Variants in CNTN5 observed in about 807,000 individuals in gnomAD.
CNTN5 encodes contactin-5.
A neutral mutation model predicts 129.1 loss-of-function variants in CNTN5; 77 were observed. That is an observed-to-expected ratio of 0.60 (90% confidence interval 0.50 to 0.72). CNTN5 has a LOEUF of 0.72. Among genes scored for constraint, CNTN5 ranks in the 30% least tolerant of loss-of-function variants. The pLI, the probability that CNTN5 is intolerant of heterozygous loss-of-function variation, is 0.00. For missense variants in CNTN5, 1,478 were observed against 1,328.8 expected, an observed-to-expected ratio of 1.11 and a Z score of -1.75; for synonymous variants, 509 against 465.6, an observed-to-expected ratio of 1.09 and a Z score of -1.20.
At chr11:100,054,650 T>C (rs1473257528) in intron 9 of CNTN5, among the ~76,000 whole-genome samples, 1 of 151,812 alleles carries the variant, frequency 6.6e-6, no homozygotes, top group Non-Finnish European at 1.5e-5. Flanking sequence ...CTCACTGTCA[T>C]GGAAATTCCA....
At chr11:100,189,654 G>A (rs11223159) in intron 13 of CNTN5, among the ~76,000 whole-genome samples, 9,937 of 152,080 alleles carry the variant, frequency 0.065, 348 homozygotes, top group Non-Finnish European at 0.085. Context: ...TGTAGCATAG[G>A]TATCTTTGGG....
intron 3 of CNTN5, among the ~76,000 whole-genome samples, chr11:99,598,354 C>CCA: frequency 2.4e-5 from 1 of 42,544 alleles, no homozygotes; most frequent in South Asian, 2.1e-3. Context: ...CTCTCTCTCT[C>CCA]TCTCTCTCTC....
chr11:100,156,620 T>A (rs1202082674), intron 13 of CNTN5, among the ~76,000 whole-genome samples: 2 of 152,078 alleles, frequency 1.3e-5, no homozygotes, highest in East Asian at 1.9e-4. Context: ...TGGCTGTGAA[T>A]CTGTCTGGTC....
At chr11:99,358,862 T>C (rs1431237610) in intron 2 of CNTN5, among the ~76,000 whole-genome samples, 1 of 152,114 alleles carries the variant, frequency 6.6e-6, no homozygotes, top group Non-Finnish European at 1.5e-5. Flanking sequence ...CTCAGAATTA[T>C]GTATGCAATG....
chr11:99,558,424 A>G (rs971613090), intron 3 of CNTN5: 4 of 169,056 alleles, frequency 2.4e-5, no homozygotes, highest in Non-Finnish European at 2.6e-5. Context: ...TCCATGCAAT[A>G]TTTTATTTCA....
chr11:99,303,411 A>G (rs1186964444), intron 1 of CNTN5, among the ~76,000 whole-genome samples: 1 of 151,700 alleles, frequency 6.6e-6, no homozygotes, highest in Non-Finnish European at 1.5e-5. Context: ...ATTAATTAGT[A>G]TTACAGATTT....
intron 21 of CNTN5, among the ~76,000 whole-genome samples, chr11:100,324,522 A>G (rs1354292065): frequency 6.6e-6 from 1 of 152,152 alleles, no homozygotes; most frequent in African/African-American, 2.4e-5. Flanking sequence ...AGGTCATCTC[A>G]CAAAACATAT....
intron 2 of CNTN5, among the ~76,000 whole-genome samples, chr11:99,405,330 G>A (rs1942024898): frequency 6.6e-6 from 1 of 151,950 alleles, no homozygotes; most frequent in Non-Finnish European, 1.5e-5. Flanking sequence ...TTTGAAGACA[G>A]TAACTCTTAG....
chr11:99,775,319 A>G (rs1945086141), intron 3 of CNTN5, among the ~76,000 whole-genome samples: 1 of 150,322 alleles, frequency 6.7e-6, no homozygotes, highest in African/African-American at 2.4e-5. Context: ...AAAATAATGT[A>G]AAATGATATA....
intron 1 of CNTN5, among the ~76,000 whole-genome samples, chr11:99,271,910 T>C (rs369961082): frequency 2.2e-4 from 34 of 151,970 alleles, no homozygotes; most frequent in African/African-American, 7.9e-4. Context: ...ACTCAAGCAT[T>C]TTCACGATGT....
chr11:99,735,852 C>T (rs1943688841), intron 3 of CNTN5, among the ~76,000 whole-genome samples: 1 of 152,120 alleles, frequency 6.6e-6, no homozygotes, highest in African/African-American at 2.4e-5. Flanking sequence ...GTATTGTTAA[C>T]TACAGTCACG....
At position 100,037,888 on chromosome 11, in the gene CNTN5, T is replaced by A. The variant is rs574493657; in HGVS notation, c.981-23324T>A. On this transcript the variant is annotated intron_variant, in intron 9 of 24. Coordinates refer to ENST00000524871, the MANE Select transcript of CNTN5 (RefSeq NM_014361.4). ...TTCTTTATTAGTCTTGCTGGCGGTC[T>A]ATCAATTTTGTTGATCTTTTCAAAA... 8.5e-3 allele frequency among the ~76,000 whole-genome samples: 1,293 copies of A among 152,332 alleles called. 7 individuals carry two copies. Among genetic ancestry groups the A allele is most frequent in the Non-Finnish European group, 0.013 (895 of 68,030 alleles).
At chr11:100,109,298 C>G (rs183362086) in intron 13 of CNTN5, among the ~76,000 whole-genome samples, 2 of 152,080 alleles carry the variant, frequency 1.3e-5, no homozygotes, top group Non-Finnish European at 2.9e-5. Flanking sequence ...TGTTGACAGG[C>G]GCTTGTAATC....
Position 99,339,874 on chromosome 11 carries a change from T to G in CNTN5, c.-71+14390T>G, listed in dbSNP as rs184167036. Among the ~76,000 whole-genome samples, 32 of 150,394 alleles carry G rather than the reference T, an allele frequency of 2.1e-4. No homozygotes were observed. In the East Asian group the frequency reaches 6.3e-3, roughly 30 times the overall value. ...GAGATGGAGAGTGAAAAAAGTGAGA[T>G]AAGAGAGCTGGTAGGATAAAACCAA... On this transcript the variant is annotated intron_variant, in intron 2 of 24. Coordinates refer to ENST00000524871, the MANE Select transcript of CNTN5 (RefSeq NM_014361.4).
chr11:99,157,110 G>T (rs1039705691), intron 1 of CNTN5, among the ~76,000 whole-genome samples: 4 of 151,878 alleles, frequency 2.6e-5, no homozygotes, highest in Non-Finnish European at 4.4e-5. Context: ...AGTAGCAATT[G>T]CTATTTTTTA....
intron 15 of CNTN5, among the ~76,000 whole-genome samples, chr11:100,224,218 A>T (rs1949324910): frequency 6.6e-6 from 1 of 152,166 alleles, no homozygotes; most frequent in East Asian, 1.9e-4. Context: ...GCACTGTCTC[A>T]TTCTGTTGCC....
At chr11:100,023,709 G>A (rs566928453) in intron 9 of CNTN5, among the ~76,000 whole-genome samples, 1 of 152,242 alleles carries the variant, frequency 6.6e-6, no homozygotes, top group Non-Finnish European at 1.5e-5. Context: ...TTTTTACACT[G>A]TCTCCAGTTT....
At chr11:100,155,778 A>G (rs1395432113) in intron 13 of CNTN5, among the ~76,000 whole-genome samples, 1 of 152,058 alleles carries the variant, frequency 6.6e-6, no homozygotes, top group Non-Finnish European at 1.5e-5. Flanking sequence ...CTTTGTAGAA[A>G]TTGTCAATGG....
intron 3 of CNTN5, among the ~76,000 whole-genome samples, chr11:99,682,963 T>A (rs1953625376): frequency 6.6e-6 from 1 of 151,900 alleles, no homozygotes; most frequent in Non-Finnish European, 1.5e-5. Context: ...TGCAGGGAAA[T>A]ATAAAGACAA....
Sources: gnomAD v4.1 joint callset for allele counts (sites outside exome capture counted in the v4.1 genomes callset) on GRCh38, gnomAD v4.1.1 for gene constraint, MANE v1.5 for transcripts, NCBI Gene and HGNC (gene_info 2026-07-23, HGNC 2026-07-21) for gene names.